Variants in WWOX observed in about 807,000 individuals in gnomAD.
WWOX encodes the protein WW domain-containing oxidoreductase.
In WWOX, 69 loss-of-function variants were observed where a neutral mutation model predicts 46.2. The ratio of observed to expected loss-of-function variants is 1.49; its 90% confidence interval spans 1.23 to 1.82. The LOEUF (loss-of-function observed/expected upper bound fraction) is 1.82, where lower values mean the gene tolerates loss of function less well. WWOX is among the 40% of genes most tolerant of loss of function. The pLI is 0.00. For missense variants in WWOX, 919 were observed against 542.6 expected, an observed-to-expected ratio of 1.69 and a Z score of -6.89; for synonymous variants, 359 against 202.6, an observed-to-expected ratio of 1.77 and a Z score of -6.56.
chr16:78,793,488 C>T (rs1015888344), intron 8 of WWOX, among the ~76,000 whole-genome samples: 5 of 152,098 alleles, frequency 3.3e-5, no homozygotes, highest in Admixed American at 3.3e-4. Flanking sequence ...TCCAGAGACC[C>T]AGATATGGCT....
chr16:78,315,368 G>A (rs1199393212), intron 5 of WWOX, among the ~76,000 whole-genome samples: 1 of 152,154 alleles, frequency 6.6e-6, no homozygotes, highest in Non-Finnish European at 1.5e-5. Context: ...ATATGATTAT[G>A]CTGAGTGAGG....
intron 8 of WWOX, among the ~76,000 whole-genome samples, chr16:78,830,956 T>G (rs761599060): frequency 6.6e-6 from 1 of 152,216 alleles, no homozygotes; most frequent in Non-Finnish European, 1.5e-5. Flanking sequence ...CAAACATGTT[T>G]AGGAGGATTT....
chr16:78,861,410 G>T (rs1003711365), intron 8 of WWOX, among the ~76,000 whole-genome samples: 47 of 152,294 alleles, frequency 3.1e-4, no homozygotes, highest in African/African-American at 1.1e-3. Flanking sequence ...TTGACAGAGA[G>T]TATAATTAAA....
At chr16:78,553,417 C>A (rs368535675) in intron 8 of WWOX, 11 of 152,086 alleles carry the variant, frequency 7.2e-5, no homozygotes, top group African/African-American at 2.7e-4. Context: ...AGGTGTCTGA[C>A]CCATGGCTAT....
Position 78,108,623 on chromosome 16 carries a change from G to A in WWOX, c.172+136G>A, listed in dbSNP as rs146488786. 1.5e-3 allele frequency: 1,375 copies of A among 928,628 alleles called. 17 individuals are homozygous for A. The African/African-American group carries it at 0.02, about 14-fold the overall frequency. The allele number at this position is 928,628 out of a possible 1,614,324, so 57.5% of individuals were successfully genotyped here. A position where few individuals can be genotyped will look rare whatever the true frequency, so the allele number is the denominator to read the frequency against. On this transcript the variant is annotated intron_variant, in intron 2 of 8. Transcript: ENST00000566780. Reference sequence around the variant, plus strand: ...GAGAACCAGACTCCCACTCTGAGGAGCTTATGGGATTTGGCAGAAGAAGAT... The same window carrying A: ...GAGAACCAGACTCCCACTCTGAGGAACTTATGGGATTTGGCAGAAGAAGAT...
rs201333228 is a variant in WWOX, at chr16:78,288,267, C to CTTT, written c.517-98579_517-98577dup. Among the ~76,000 whole-genome samples, 324 of 124,666 alleles carry CTTT rather than the reference C, an allele frequency of 2.6e-3. 7 individuals are homozygous for CTTT. The highest frequency in any genetic ancestry group is 8.6e-3 in the African/African-American group (293 of 34,066). The allele number at this position is 124,666 out of a possible 152,430, so 81.8% of individuals were successfully genotyped here. ...GTGTGATGAATTATTTATGAGTTTACTTTTTTTTTTTTTTTTGCTTTAACA... is the reference window on the plus strand; with the variant it reads ...GTGTGATGAATTATTTATGAGTTTACTTTTTTTTTTTTTTTTTTTGCTTTAACA... On this transcript the variant is annotated intron_variant, in intron 5 of 8. Transcript: ENST00000566780.
At chr16:78,335,515 TC>T (rs1795107355) in intron 5 of WWOX, among the ~76,000 whole-genome samples, 1 of 152,204 alleles carries the variant, frequency 6.6e-6, no homozygotes, top group African/African-American at 2.4e-5. Context: ...ATTTTCTTCA[TC>T]CTATCATTTA....
At chr16:79,048,324 C>G (rs547530349) in intron 8 of WWOX, among the ~76,000 whole-genome samples, 7 of 152,110 alleles carry the variant, frequency 4.6e-5, no homozygotes, top group African/African-American at 1.7e-4. Flanking sequence ...CCCCAGCCCT[C>G]CAGCCCCACA....
chr16:79,100,265 C>G (rs1349254837), intron 8 of WWOX, among the ~76,000 whole-genome samples: 1 of 152,100 alleles, frequency 6.6e-6, no homozygotes, highest in Non-Finnish European at 1.5e-5. Context: ...TAAATAAGAT[C>G]AAGATTAGAA....
At chr16:78,589,762 TTAA>T (rs2151600507) in intron 8 of WWOX, among the ~76,000 whole-genome samples, 1 of 152,314 alleles carries the variant, frequency 6.6e-6, no homozygotes, top group South Asian at 2.1e-4. Flanking sequence ...TTCTTCTCAT[TTAA>T]TAGGTTGGTC....
chr16:79,151,717 A>G (rs1363144240), intron 8 of WWOX, among the ~76,000 whole-genome samples: 2 of 152,166 alleles, frequency 1.3e-5, no homozygotes, highest in Admixed American at 1.3e-4. Flanking sequence ...AGAGCATGCT[A>G]GTCTCCGAAC....
At chr16:78,726,115 G>C (rs12933172) in intron 8 of WWOX, among the ~76,000 whole-genome samples, 74,599 of 122,600 alleles carry the variant, frequency 0.61, 21,497 homozygotes, top group Admixed American at 0.65. Flanking sequence ...CTCCCTCTCT[G>C]CCTCCCTCTC....
intron 5 of WWOX, among the ~76,000 whole-genome samples, chr16:78,379,053 C>G (rs529856280): frequency 2.6e-5 from 4 of 152,128 alleles, no homozygotes; most frequent in Non-Finnish European, 5.9e-5. Context: ...TGGCCACTGT[C>G]ACGTCACTCA....
chr16:78,518,550 A>C (rs1372708219), intron 8 of WWOX, among the ~76,000 whole-genome samples: 1 of 152,124 alleles, frequency 6.6e-6, no homozygotes, highest in African/African-American at 2.4e-5. Context: ...TAACATACTC[A>C]CAGCTCCCTT....
chr16:78,485,139 CT>C (rs1030126422), intron 8 of WWOX, among the ~76,000 whole-genome samples: 5 of 110,428 alleles, frequency 4.5e-5, no homozygotes, highest in African/African-American at 2.2e-4. Flanking sequence ...TTTACATGTA[CT>C]TTAAAAAAAA....
intron 8 of WWOX, among the ~76,000 whole-genome samples, chr16:78,581,810 T>G (rs1287771911): frequency 6.6e-6 from 1 of 152,176 alleles, no homozygotes; most frequent in South Asian, 2.1e-4. Flanking sequence ...CCATACCAAC[T>G]AGTAGTGTAA....
chr16:78,559,340 G>A (rs1488951034), intron 8 of WWOX, among the ~76,000 whole-genome samples: 1 of 152,196 alleles, frequency 6.6e-6, no homozygotes, highest in Admixed American at 6.5e-5. Flanking sequence ...TCCTAGAATA[G>A]TCCCGGCAAG....
chr16:78,179,789 G>A (rs2035470736), intron 5 of WWOX: 1 of 152,234 alleles, frequency 6.6e-6, no homozygotes, highest in Admixed American at 6.5e-5. Context: ...CAACAGAGGT[G>A]CGTACCATAG....
intron 8 of WWOX, among the ~76,000 whole-genome samples, chr16:78,570,148 G>T (rs2044677544): frequency 6.6e-6 from 1 of 152,154 alleles, no homozygotes; most frequent in African/African-American, 2.4e-5. Context: ...GGCCTTGTTT[G>T]CCTTTTTTAG....
Sources: gnomAD v4.1 joint callset for allele counts (sites outside exome capture counted in the v4.1 genomes callset) on GRCh38, gnomAD v4.1.1 for gene constraint, MANE v1.5 for transcripts, NCBI Gene and HGNC (gene_info 2026-07-23, HGNC 2026-07-21) for gene names.